The following VTA1 variants were observed in gnomAD, a reference collection of about 807,000 sequenced individuals.
VTA1 encodes the protein vacuolar protein sorting-associated protein VTA1 homolog.
VTA1 carries 24 observed loss-of-function variants against 36.9 expected under a neutral mutation model. The observed-to-expected ratio is 0.65, with a 90% CI of 0.47 to 0.91. The LOEUF (loss-of-function observed/expected upper bound fraction) is 0.91. Among genes scored for constraint, VTA1 ranks in the 40% least tolerant of loss-of-function variants. The pLI is 0.00. For missense variants in VTA1, 393 were observed against 377.2 expected, an observed-to-expected ratio of 1.04 and a Z score of -0.35; for synonymous variants, 142 against 130.2, an observed-to-expected ratio of 1.09 and a Z score of -0.62.
intron 5 of VTA1, among the ~76,000 whole-genome samples, chr6:142,192,162 A>G (rs752546408): frequency 6.6e-6 from 1 of 152,076 alleles, no homozygotes; most frequent in Non-Finnish European, 1.5e-5. Context: ...CACCTTTAAG[A>G]AGATAGCAAA....
chr6:142,187,464 A>C (rs1775361070), intron 4 of VTA1, among the ~76,000 whole-genome samples: 1 of 152,234 alleles, frequency 6.6e-6, no homozygotes, highest in Non-Finnish European at 1.5e-5. Context: ...GAACAGGCTG[A>C]CGCATGTGGG....
At position 142,159,477 on chromosome 6, in the gene VTA1, GGTATTATTA is replaced by G. The variant is rs1349219625; in HGVS notation, c.113-6750_113-6742del. On this transcript the variant is annotated intron_variant, in intron 1 of 7. Transcript: ENST00000367630. ...CCTGTCCACTGAATTTTTCATTTCA[GGTATTATTA>G]TTATTATTATTATTATTATTATTAT... Among the ~76,000 whole-genome samples the G allele has an allele frequency of 1.0e-3, 137 of 133,748 alleles. 1 individual carries two copies. The highest frequency in any genetic ancestry group is 3.3e-3 in the African/African-American group (116 of 35,480). 87.7% of individuals were successfully genotyped at this position (133,748 alleles called of 152,430 possible). A position where few individuals can be genotyped will look rare whatever the true frequency, so the allele number is the denominator to read the frequency against.
intron 6 of VTA1, among the ~76,000 whole-genome samples, chr6:142,202,096 G>C (rs1312785430): frequency 6.6e-6 from 1 of 151,898 alleles, no homozygotes; most frequent in African/African-American, 2.4e-5. Context: ...AGGTACACCT[G>C]TTTCAAAGCA....
chr6:142,158,606 T>G (rs1778710522), intron 1 of VTA1, among the ~76,000 whole-genome samples: 1 of 152,244 alleles, frequency 6.6e-6, no homozygotes. Context: ...ACCTTTTAAT[T>G]GCAATGTTTA....
intron 7 of VTA1, among the ~76,000 whole-genome samples, chr6:142,205,444 G>T (rs1402294556): frequency 6.6e-6 from 1 of 152,050 alleles, no homozygotes; most frequent in African/African-American, 2.4e-5. Context: ...AAACTGTCAG[G>T]CAGGTGTTAG....
At chr6:142,153,988 G>A (rs1345356565) in intron 1 of VTA1, among the ~76,000 whole-genome samples, 2 of 151,904 alleles carry the variant, frequency 1.3e-5, no homozygotes, top group South Asian at 2.1e-4. Flanking sequence ...ACAATTCACT[G>A]GTTTATTCAG....
chr6:142,197,812 C>T (rs751944497), intron 5 of VTA1, among the ~76,000 whole-genome samples: 3 of 151,868 alleles, frequency 2.0e-5, no homozygotes, highest in South Asian at 2.1e-4. Context: ...TGGTGGCTCA[C>T]GCCTGTAATT....
At chr6:142,182,002 G>T (rs554491402) in intron 4 of VTA1, among the ~76,000 whole-genome samples, 3 of 152,160 alleles carry the variant, frequency 2.0e-5, no homozygotes, top group Non-Finnish European at 2.9e-5. Context: ...CCACATCTCA[G>T]TGTTCTGGGA....
intron 4 of VTA1, among the ~76,000 whole-genome samples, chr6:142,183,158 C>A (rs970290877): frequency 1.3e-5 from 2 of 152,050 alleles, no homozygotes; most frequent in African/African-American, 4.8e-5. Context: ...TACTTTCACA[C>A]CAACCTAATA....
rs780396040 is a variant in VTA1 at position 142,224,325 on chromosome 6, AG to A, written c.*5686del. ...GGCTATGTTATTTGTATTGTGATAT[AG>A]GGGATATTCGGAGTCCTCTGAGACG... On this transcript the variant is annotated 3_prime_UTR_variant, in exon 8 of 8. Coordinates refer to ENST00000367630, the MANE Select transcript of VTA1 (RefSeq NM_016485.5). 2.6e-5 allele frequency: 4 copies of A among 152,210 alleles called. No individual in the cohort carries two copies. Among genetic ancestry groups the A allele is most frequent in the Non-Finnish European group, 5.9e-5 (4 of 68,046 alleles). The allele number at this position is 152,210 out of a possible 1,614,324, so 9.4% of individuals were successfully genotyped here.
intron 1 of VTA1, 123 bp downstream of exon 1, chr6:142,147,522 G>A (rs1778472442): frequency 2.0e-6 from 2 of 1,013,606 alleles, no homozygotes; most frequent in Non-Finnish European, 2.9e-6. Context: ...TTGACCTCGA[G>A]CCTACCCAGG....
At chr6:142,169,808 C>T (rs988147936) in intron 3 of VTA1, 131 bp downstream of exon 3, 24 of 819,910 alleles carry the variant, frequency 2.9e-5, no homozygotes, top group Non-Finnish European at 4.1e-5. Flanking sequence ...ATTATCAAAC[C>T]TCACGGTGAT....
At chr6:142,192,831 T>TTA (rs753982394) in intron 5 of VTA1, among the ~76,000 whole-genome samples, 60 of 152,062 alleles carry the variant, frequency 3.9e-4, no homozygotes, top group African/African-American at 1.3e-3. Flanking sequence ...GAGGATATCA[T>TTA]TATATATATA....
At chr6:142,206,915 A>G (rs943668084) in intron 7 of VTA1, among the ~76,000 whole-genome samples, 25 of 152,252 alleles carry the variant, frequency 1.6e-4, no homozygotes, top group Non-Finnish European at 2.6e-4. Context: ...ATCTAGACAC[A>G]GACCTTCCAC....
chr6:142,162,128 A>G (rs1774823401), intron 1 of VTA1, among the ~76,000 whole-genome samples: 1 of 152,228 alleles, frequency 6.6e-6, no homozygotes, highest in Non-Finnish European at 1.5e-5. Context: ...ACTATTAGTT[A>G]TCTGGATTAG....
intron 1 of VTA1, among the ~76,000 whole-genome samples, chr6:142,158,342 G>A (rs1039536853): frequency 3.3e-5 from 5 of 152,040 alleles, no homozygotes; most frequent in Admixed American, 2.0e-4. Flanking sequence ...CTAACCTATC[G>A]TTTATGGCCT....
intron 1 of VTA1, among the ~76,000 whole-genome samples, chr6:142,165,529 G>A (rs1178111828): frequency 6.6e-6 from 1 of 152,178 alleles, no homozygotes; most frequent in Non-Finnish European, 1.5e-5. Flanking sequence ...TTGTTAGCAT[G>A]ATGCATTCAT....
rs534012828 is a variant in VTA1, at chr6:142,201,647, T to G, written c.698-2338T>G. Among the ~76,000 whole-genome samples the G allele has an allele frequency of 9.9e-5, 15 of 152,136 alleles. No homozygotes were observed. In the Middle Eastern group the frequency reaches 0.01, roughly 104 times the overall value. On this transcript the variant is annotated intron_variant, in intron 6 of 7. Transcript: ENST00000367630. ...TTAAAGCTAGCCTTTCATTGTAAAA[T>G]GCAGCTCACTTCATAGATCAAAATG...
At chr6:142,149,464 G>A (rs1778523580) in intron 1 of VTA1, among the ~76,000 whole-genome samples, 1 of 152,136 alleles carries the variant, frequency 6.6e-6, no homozygotes, top group South Asian at 2.1e-4. Context: ...TCTCATTGGA[G>A]CGAAATCTGC....
Sources: allele counts gnomAD v4.1 joint callset (sites outside exome capture counted in the v4.1 genomes callset), GRCh38; gene constraint gnomAD v4.1.1; transcripts MANE v1.5; gene names NCBI Gene and HGNC (gene_info 2026-07-23, HGNC 2026-07-21).